CCDC178: variants seen among roughly 807,000 people sequenced by gnomAD.
CCDC178 encodes the protein coiled-coil domain containing 178, also known as coiled-coil domain-containing protein 178.
In CCDC178, 126 loss-of-function variants were observed where a neutral mutation model predicts 117.4. The observed-to-expected ratio is 1.07, with a 90% CI of 0.93 to 1.24. The LOEUF (loss-of-function observed/expected upper bound fraction) is 1.24, where lower values mean the gene tolerates loss of function less well. Among genes scored for constraint, CCDC178 ranks in the 50% most tolerant of loss-of-function variants. The pLI is 0.00. For missense variants in CCDC178, 1,030 were observed against 986.9 expected, an observed-to-expected ratio of 1.04 and a Z score of -0.59; for synonymous variants, 283 against 313.4, an observed-to-expected ratio of 0.90 and a Z score of 1.02.
chr18:33,086,075 C>T (rs2057373913), intron 21 of CCDC178, among the ~76,000 whole-genome samples: 1 of 151,648 alleles, frequency 6.6e-6, no homozygotes, highest in Admixed American at 6.6e-5. Flanking sequence ...GAAAATATAC[C>T]TATCATAAAA....
intron 12 of CCDC178, among the ~76,000 whole-genome samples, chr18:33,274,338 T>C (rs577328627): frequency 2.0e-5 from 3 of 151,840 alleles, no homozygotes; most frequent in Non-Finnish European, 4.4e-5. Flanking sequence ...CTTTGGAAAA[T>C]AGTTCGGCAG....
At chr18:33,065,808 A>T (rs2057003297) in intron 21 of CCDC178, among the ~76,000 whole-genome samples, 1 of 152,088 alleles carries the variant, frequency 6.6e-6, no homozygotes, top group African/African-American at 2.4e-5. Flanking sequence ...GAAAACAGCA[A>T]CAAGAGCAAC....
chr18:33,031,397 C>A (rs534958692), intron 21 of CCDC178, among the ~76,000 whole-genome samples: 1 of 152,106 alleles, frequency 6.6e-6, no homozygotes, highest in South Asian at 2.1e-4. Context: ...CAGGTGCATA[C>A]CCTCCACGCA....
At chr18:33,414,275 T>C (rs1844205097) in intron 2 of CCDC178, among the ~76,000 whole-genome samples, 1 of 152,196 alleles carries the variant, frequency 6.6e-6, no homozygotes. Context: ...CTGGTTTAAT[T>C]TTAATGTAGC....
intron 15 of CCDC178, among the ~76,000 whole-genome samples, chr18:33,232,280 G>A (rs2059376644): frequency 6.6e-6 from 1 of 152,030 alleles, no homozygotes; most frequent in Non-Finnish European, 1.5e-5. Context: ...TAGCTGAAAG[G>A]AGGACAAACA....
At chr18:33,247,828 G>C (rs1422811562) in intron 14 of CCDC178, among the ~76,000 whole-genome samples, 1 of 151,760 alleles carries the variant, frequency 6.6e-6, no homozygotes, top group African/African-American at 2.4e-5. Flanking sequence ...AAATGGAGTG[G>C]GATGAATGTG....
intron 20 of CCDC178, among the ~76,000 whole-genome samples, chr18:33,150,612 A>T (rs1259919685): frequency 6.6e-6 from 1 of 152,192 alleles, no homozygotes; most frequent in Non-Finnish European, 1.5e-5. Flanking sequence ...GCCAACAAAC[A>T]TATGAAAAAA....
At chr18:33,417,292 T>C (rs1257557574) in intron 2 of CCDC178, among the ~76,000 whole-genome samples, 1 of 152,162 alleles carries the variant, frequency 6.6e-6, no homozygotes, top group Non-Finnish European at 1.5e-5. Flanking sequence ...TGCAACAATT[T>C]TGATGAACTC....
intron 3 of CCDC178, among the ~76,000 whole-genome samples, chr18:33,397,423 C>T (rs929913993): frequency 6.6e-6 from 1 of 151,810 alleles, no homozygotes; most frequent in Non-Finnish European, 1.5e-5. Context: ...GAAAACACTG[C>T]GGAAGAAAAT....
At chr18:33,336,516 A>T (rs2062742294) in intron 9 of CCDC178, among the ~76,000 whole-genome samples, 1 of 152,098 alleles carries the variant, frequency 6.6e-6, no homozygotes, top group South Asian at 2.1e-4. Context: ...AAACTACATG[A>T]GCAAATCTGA....
intron 3 of CCDC178, among the ~76,000 whole-genome samples, chr18:33,402,545 T>A (rs1422193883): frequency 1.3e-5 from 2 of 152,212 alleles, no homozygotes; most frequent in African/African-American, 4.8e-5. Flanking sequence ...CTTCTAAAGC[T>A]GTGAGCATGA....
At chr18:33,144,326 C>T (rs1380174662) in intron 20 of CCDC178, among the ~76,000 whole-genome samples, 1 of 151,906 alleles carries the variant, frequency 6.6e-6, no homozygotes, top group Non-Finnish European at 1.5e-5. Context: ...TAAATTTGTC[C>T]TATTTTACAT....
At chr18:33,120,515 T>G (rs1231478121) in intron 20 of CCDC178, among the ~76,000 whole-genome samples, 1 of 152,160 alleles carries the variant, frequency 6.6e-6, no homozygotes, top group Non-Finnish European at 1.5e-5. Flanking sequence ...TAATGGATTG[T>G]ACATTAACAA....
intron 22 of CCDC178, among the ~76,000 whole-genome samples, chr18:32,946,437 C>T (rs1188971467): frequency 6.6e-5 from 10 of 151,972 alleles, no homozygotes; most frequent in Non-Finnish European, 1.5e-4. Context: ...ATATTTAGAC[C>T]TAAAAGTATC....
At chr18:33,148,821 C>G (rs2058306266) in intron 20 of CCDC178, among the ~76,000 whole-genome samples, 1 of 152,110 alleles carries the variant, frequency 6.6e-6, no homozygotes, top group Non-Finnish European at 1.5e-5. Context: ...TGGGGCATGT[C>G]ACAATAAGGG....
At chr18:33,130,235 T>TA (rs1306773890) in intron 20 of CCDC178, among the ~76,000 whole-genome samples, 6 of 152,008 alleles carry the variant, frequency 3.9e-5, no homozygotes, top group Non-Finnish European at 8.8e-5. Flanking sequence ...AAAATATCTG[T>TA]AAAAAATAGC....
At chr18:32,991,849 A>G (rs905224143) in intron 21 of CCDC178, among the ~76,000 whole-genome samples, 3 of 152,222 alleles carry the variant, frequency 2.0e-5, no homozygotes, top group African/African-American at 7.2e-5. Context: ...ATGCTCCTGA[A>G]GAATTCTGTG....
intron 21 of CCDC178, among the ~76,000 whole-genome samples, chr18:33,032,422 C>T (rs183865105): frequency 4.5e-4 from 69 of 152,066 alleles, no homozygotes; most frequent in Non-Finnish European, 8.4e-4. Context: ...TGTTCACATT[C>T]AAAGTGAGTG....
chr18:33,048,510 A>C (rs2056687067), intron 21 of CCDC178, among the ~76,000 whole-genome samples: 1 of 152,210 alleles, frequency 6.6e-6, no homozygotes, highest in South Asian at 2.1e-4. Context: ...AAACCATGAT[A>C]TAAAATATTT....
Sources: allele counts gnomAD v4.1 joint callset (sites outside exome capture counted in the v4.1 genomes callset), GRCh38; gene constraint gnomAD v4.1.1; transcripts MANE v1.5; gene names NCBI Gene and HGNC (gene_info 2026-07-23, HGNC 2026-07-21).